The following MGAT4D variants were observed in gnomAD, a reference collection of about 807,000 sequenced individuals.
MGAT4D encodes alpha-1,3-mannosyl-glycoprotein 4-beta-N-acetylglucosaminyltransferase-like protein MGAT4D.
Under a neutral mutation model 15.9 loss-of-function variants are expected in MGAT4D, and 34 were observed. The ratio of observed to expected loss-of-function variants is 2.14; its 90% CI spans 1.62 to 2.84. The LOEUF is 2.84. Among genes scored for constraint, MGAT4D ranks in the 30% most tolerant of loss-of-function variants. The pLI is 0.00. For synonymous variants in MGAT4D, 112 were observed against 48.2 expected (o/e 2.33, Z -5.49); for missense variants, 327 against 140.2 (o/e 2.33, Z -6.73).
intron 1 of MGAT4D, among the ~76,000 whole-genome samples, chr4:140,490,017 G>C (rs1462699456): frequency 6.6e-6 from 1 of 152,174 alleles, no homozygotes; most frequent in Non-Finnish European, 1.5e-5. Flanking sequence ...CATAACGGAA[G>C]AGACTGAATG....
chr4:140,467,493 TAC>T (rs1731618474), intron 5 of MGAT4D, among the ~76,000 whole-genome samples: 1 of 152,120 alleles, frequency 6.6e-6, no homozygotes, highest in Non-Finnish European at 1.5e-5. Flanking sequence ...CACCAAAAGT[TAC>T]GTTACAATTT....
chr4:140,456,547 A>AT (rs1466948090), intron 9 of MGAT4D, 42 bp downstream of exon 9: 4 of 561,242 alleles, frequency 7.1e-6, no homozygotes, highest in East Asian at 3.0e-5. Context: ...GATAGATAAT[A>AT]TTTTTCCTAA....
intron 1 of MGAT4D, among the ~76,000 whole-genome samples, chr4:140,494,398 C>G (rs1376085650): frequency 6.6e-6 from 1 of 152,216 alleles, no homozygotes; most frequent in Non-Finnish European, 1.5e-5. Context: ...CTTGGTTTAG[C>G]TCTTTCAGTT....
Position 140,474,571 on chromosome 4 carries a change from A to G in MGAT4D, c.525+242T>C, listed in dbSNP as rs144115382. Reference sequence around the variant, plus strand: ...TATTAAATGCAATTCAAATTTAGCAATCTTATATTTCCCACATGAAGCCAT... The same window carrying G: ...TATTAAATGCAATTCAAATTTAGCAGTCTTATATTTCCCACATGAAGCCAT... On this transcript the variant is annotated intron_variant, in intron 4 of 10. Transcript: ENST00000511113. 8.2e-3 allele frequency among the ~76,000 whole-genome samples: 1,244 copies of G among 152,272 alleles called. 5 individuals carry two copies. Among genetic ancestry groups the G allele is most frequent in the Non-Finnish European group, 0.013 (878 of 68,010 alleles).
chr4:140,451,278 T>C, intron 10 of MGAT4D, 132 bp downstream of exon 10: 2 of 385,440 alleles, frequency 5.2e-6, no homozygotes, highest in Non-Finnish European at 9.2e-6. Context: ...CAACATACAG[T>C]ACTGTCATAA....
rs888602032 is a variant in MGAT4D at position 140,493,835 on chromosome 4, G to C, written c.94+4294C>G. On this transcript the variant is annotated intron_variant, in intron 1 of 10. Coordinates refer to ENST00000511113, the MANE Select transcript of MGAT4D (RefSeq NM_001277353.2). ...AATGGGAGGCAGTTGTGCTAAAATA[G>C]AGGGTGTATGAAAGGAGGTAGTATT... is the stretch of plus-strand genomic sequence containing the variant. Among the ~76,000 whole-genome samples the C allele has an allele frequency of 3.3e-5, 5 of 152,300 alleles. 1 individual carries two copies. The highest frequency in any genetic ancestry group is 3.3e-4 in the Admixed American group (5 of 15,290).
intron 3 of MGAT4D, among the ~76,000 whole-genome samples, chr4:140,476,185 C>T (rs1324252991): frequency 1.3e-5 from 2 of 152,044 alleles, no homozygotes; most frequent in Non-Finnish European, 2.9e-5. Context: ...AATGAGTTGT[C>T]AGCATTTTTC....
At chr4:140,484,077 A>G (rs1462729936) in intron 1 of MGAT4D, among the ~76,000 whole-genome samples, 1 of 152,322 alleles carries the variant, frequency 6.6e-6, no homozygotes, top group Non-Finnish European at 1.5e-5. Context: ...AAGAGACAAC[A>G]TGGATTGAAA....
chr4:140,450,117 C>A, intron 10 of MGAT4D: 1 of 360,106 alleles, frequency 2.8e-6, no homozygotes. Flanking sequence ...TCCTAATAGA[C>A]ATCCTGTTAA....
At chr4:140,460,251 T>C (rs1731086518) in intron 7 of MGAT4D, among the ~76,000 whole-genome samples, 2 of 152,228 alleles carry the variant, frequency 1.3e-5, no homozygotes, top group South Asian at 2.1e-4. Context: ...TATAACAAAA[T>C]ACCATAGAAT....
chr4:140,485,850 C>CAAAAAAAAAAAAAAAAAAAAA (rs1578712314), intron 1 of MGAT4D, among the ~76,000 whole-genome samples: 1 of 41,938 alleles, frequency 2.4e-5, no homozygotes, highest in African/African-American at 6.7e-5. Context: ...AAAAAAAAAG[C>CAAAAAAAAAAAAAAAAAAAAA]AATGATGATA....
At chr4:140,472,808 G>A (rs1371997071) in intron 4 of MGAT4D, among the ~76,000 whole-genome samples, 1 of 152,054 alleles carries the variant, frequency 6.6e-6, no homozygotes, top group Non-Finnish European at 1.5e-5. Flanking sequence ...ATAAAATAAG[G>A]CAATAGGATG....
At chr4:140,478,000 G>C (rs1732452536) in intron 3 of MGAT4D, among the ~76,000 whole-genome samples, 1 of 152,150 alleles carries the variant, frequency 6.6e-6, no homozygotes, top group African/African-American at 2.4e-5. Context: ...TTCCCTAGTA[G>C]GCCTTGCCAC....
intron 2 of MGAT4D, among the ~76,000 whole-genome samples, chr4:140,480,783 A>G (rs1015876098): frequency 1.7e-4 from 20 of 120,994 alleles, no homozygotes; most frequent in Admixed American, 1.1e-3. Context: ...ACACACACAC[A>G]CACGCAGTGG....
chr4:140,468,956 A>G (rs17005995), intron 5 of MGAT4D, among the ~76,000 whole-genome samples: 29,419 of 151,920 alleles, frequency 0.19, 2,925 homozygotes, highest in South Asian at 0.28. Context: ...TGGTCTCAGT[A>G]CTGTCTAAAG....
chr4:140,484,207 CA>C (rs111323509), intron 1 of MGAT4D, among the ~76,000 whole-genome samples: 4 of 151,122 alleles, frequency 2.6e-5, no homozygotes, highest in African/African-American at 7.3e-5. Flanking sequence ...CAAACAATAG[CA>C]AAAAAAAGTA....
Position 140,456,647 on chromosome 4 carries a change from A to G in MGAT4D, c.950T>C (p.Ile317Thr), listed in dbSNP as rs772993140. ...FFLMFYKEKPIDWLLNDIFQV... is the reference protein window; with the variant it reads ...FFLMFYKEKPTDWLLNDIFQV... ...AAAAATGTCATTCAAGAGCCAGTCT[A>G]TGGGTTTCTCTTTGTAGAACATTAA... is the stretch of plus-strand genomic sequence containing the variant. The change falls in exon 9 of 11, where the codon ATA becomes ACA. Residue 317 changes from isoleucine (I) to threonine (T), a missense_variant. Transcript: ENST00000511113. 1.4e-6 allele frequency: 1 copy of G among 699,180 alleles called. No homozygotes were observed. The highest frequency in any genetic ancestry group is 2.6e-6 in the Non-Finnish European group (1 of 383,126). The allele number at this position is 699,180 out of a possible 1,614,324, so 43.3% of individuals were successfully genotyped here.
intron 10 of MGAT4D, among the ~76,000 whole-genome samples, chr4:140,447,946 T>C (rs947300815): frequency 1.3e-5 from 2 of 152,214 alleles, no homozygotes; most frequent in African/African-American, 2.4e-5. Flanking sequence ...AGGATCTTAT[T>C]CCTCCTTTGC....
rs1732215028 is a variant in MGAT4D at position 140,474,908 on chromosome 4, T to C, written c.430A>G (p.Asn144Asp). ...ALGISTVNRG[N>D]YSYLKQTLTS... ...AGTGTCTGTTTCAGGTAACTATAAT[T>C]TCCTCTGTTAACAGTGGAAATACCC... Residue 144 changes from asparagine to aspartate, a missense_variant, in exon 4 of 11, where the codon AAT (asparagine) becomes GAT (aspartate). Physicochemically the swap from Asn to Asp is conservative, Grantham distance 23. Coordinates refer to ENST00000511113, the MANE Select transcript of MGAT4D (RefSeq NM_001277353.2). 1.4e-6 allele frequency: 1 copy of C among 698,874 alleles called. No individual in the cohort carries two copies. Among genetic ancestry groups the C allele is most frequent in the African/African-American group, 1.8e-5 (1 of 56,992 alleles). The allele number at this position is 698,874 out of a possible 1,614,324, so 43.3% of individuals were successfully genotyped here.
Sources: gnomAD v4.1 joint callset for allele counts (sites outside exome capture counted in the v4.1 genomes callset) on GRCh38, gnomAD v4.1.1 for gene constraint, MANE v1.5 for transcripts, NCBI Gene and HGNC (gene_info 2026-07-23, HGNC 2026-07-21) for gene names.